Variants in LAMA2 observed in about 807,000 individuals in gnomAD.
LAMA2 encodes laminin subunit alpha-2.
LAMA2 carries 269 observed loss-of-function variants against 364.8 expected under a neutral mutation model. That is an observed-to-expected ratio of 0.74 (90% confidence interval 0.67 to 0.82). The LOEUF (loss-of-function observed/expected upper bound fraction) is 0.82. Ranked by LOEUF, LAMA2 falls within the 40% of genes least tolerant of loss-of-function variation. LAMA2 has a pLI of 0.00. For synonymous variants in LAMA2, 1,379 were observed against 1,370.6 expected (o/e 1.01, Z -0.14); for missense variants, 3,807 against 3,873.2 (o/e 0.98, Z 0.45).
chr6:129,395,425 C>G (rs1368291076), intron 37 of LAMA2, among the ~76,000 whole-genome samples: 1 of 152,026 alleles, frequency 6.6e-6, no homozygotes, highest in Non-Finnish European at 1.5e-5. Context: ...GTGATGAGCC[C>G]CCTTAGAGCA....
In LAMA2 at chr6:129,366,197, CTT is replaced by C. The variant is rs1234110402; in HGVS notation, c.4718-20_4718-19del. On this transcript the variant is annotated intron_variant, in intron 32 of 64. Transcript: ENST00000421865. ...GGGATGTTTAGCAGAAGTAACTACT[CTT>C]TGTCACTTCTCTTTCACAGTTTGTG... 1 of 1,612,642 alleles carries C rather than the reference CTT, an allele frequency of 6.2e-7. No individual in the cohort carries two copies. Among genetic ancestry groups the C allele is most frequent in the African/African-American group, 1.3e-5 (1 of 74,676 alleles).
intron 1 of LAMA2, among the ~76,000 whole-genome samples, chr6:129,032,683 G>T (rs977706639): frequency 6.6e-5 from 10 of 152,204 alleles, no homozygotes; most frequent in African/African-American, 2.4e-4. Flanking sequence ...GATAAGGGTA[G>T]TCAGCAGGCC....
In LAMA2 at chr6:128,925,278, G is replaced by A. The variant is rs191636998; in HGVS notation, c.112+41921G>A. 9.9e-5 allele frequency among the ~76,000 whole-genome samples: 15 copies of A among 152,266 alleles called. No homozygotes were observed. In the East Asian group the frequency reaches 1.3e-3, roughly 14 times the overall value. On this transcript the variant is annotated intron_variant, in intron 1 of 64. Coordinates refer to ENST00000421865, the MANE Select transcript of LAMA2 (RefSeq NM_000426.4). Reference sequence around the variant, plus strand: ...GGGAGAAACCTGGCTGTTGACAGACGAATAGATAAATAAAATGTTGTGCAT... The same window carrying A: ...GGGAGAAACCTGGCTGTTGACAGACAAATAGATAAATAAAATGTTGTGCAT...
At chr6:129,468,660 A>G (rs962808144) in intron 51 of LAMA2, among the ~76,000 whole-genome samples, 1 of 151,940 alleles carries the variant, frequency 6.6e-6, no homozygotes, top group Non-Finnish European at 1.5e-5. Flanking sequence ...CAAAGATCAC[A>G]CTTAAAGCAG....
chr6:129,202,138 A>T (rs1485039482), intron 12 of LAMA2, among the ~76,000 whole-genome samples: 1 of 144,416 alleles, frequency 6.9e-6, no homozygotes, highest in Non-Finnish European at 1.5e-5. Flanking sequence ...CAGTGAGCCG[A>T]GATCATACCA....
chr6:129,075,375 T>C (rs1773568346), intron 3 of LAMA2, among the ~76,000 whole-genome samples: 1 of 152,158 alleles, frequency 6.6e-6, no homozygotes, highest in South Asian at 2.1e-4. Flanking sequence ...TAGTCAGTCA[T>C]GATAAACAGT....
At position 129,383,167 on chromosome 6, in the gene LAMA2, G is replaced by A; in HGVS notation, c.5005G>A (p.Glu1669Lys). 3 of 1,613,956 alleles carry A rather than the reference G, an allele frequency of 1.9e-6. No homozygotes were observed. The highest frequency in any genetic ancestry group is 2.7e-5 in the African/African-American group (2 of 75,056). The part of the protein sequence containing the change: ...ADGEQTGQDA[E>K]RTNTRAKSLG... Reference sequence around the variant, plus strand: ...TGGCGAGCAGACCGGACAGGATGCTGAGAGGACCAACACAAGAGCAAAGTC... The same window carrying A: ...TGGCGAGCAGACCGGACAGGATGCTAAGAGGACCAACACAAGAGCAAAGTC... Residue 1669 changes from glutamate (E) to lysine (K), a missense_variant, in exon 35 of 65, where the codon GAG becomes AAG. Glu to Lys is a moderately conservative substitution (Grantham distance 56, BLOSUM62 1). Transcript: ENST00000421865.
At chr6:129,386,825 T>C (rs1779043458) in intron 35 of LAMA2, among the ~76,000 whole-genome samples, 2 of 152,188 alleles carry the variant, frequency 1.3e-5, no homozygotes. Flanking sequence ...TGAAAGATGC[T>C]CTCATTTAAT....
intron 3 of LAMA2, among the ~76,000 whole-genome samples, chr6:129,081,577 G>T (rs4327720): frequency 0.95 from 144,511 of 152,266 alleles, 68,643 homozygotes; most frequent in East Asian, 0.97. Flanking sequence ...AATTTCAATT[G>T]CAATAGGTTA....
At chr6:128,902,319 C>T (rs1777139733) in intron 1 of LAMA2, among the ~76,000 whole-genome samples, 1 of 152,128 alleles carries the variant, frequency 6.6e-6, no homozygotes, top group African/African-American at 2.4e-5. Flanking sequence ...TTAAATATTT[C>T]CAGTTGAAAG....
At chr6:129,372,189 C>G (rs1765330698) in intron 34 of LAMA2, among the ~76,000 whole-genome samples, 1 of 152,148 alleles carries the variant, frequency 6.6e-6, no homozygotes, top group South Asian at 2.1e-4. Context: ...AGGGTTCCCT[C>G]TTGGTATTGT....
Position 129,399,186 on chromosome 6 carries a change from G to A in LAMA2, c.5446-2038G>A, listed in dbSNP as rs1286822987. Among the ~76,000 whole-genome samples the A allele has an allele frequency of 2.0e-5, 3 of 152,226 alleles. No individual in the cohort carries two copies. In the South Asian group the frequency reaches 6.2e-4, roughly 32 times the overall value. ...TCTATATAAAAAAGAAAATAATATT[G>A]TCTATGTTTCTACCACTCTGTAGAA... On this transcript the variant is annotated intron_variant, in intron 37 of 64. Coordinates refer to ENST00000421865, the MANE Select transcript of LAMA2 (RefSeq NM_000426.4).
intron 14 of LAMA2, among the ~76,000 whole-genome samples, chr6:129,259,367 C>G (rs563924944): frequency 1.3e-5 from 2 of 152,116 alleles, no homozygotes; most frequent in East Asian, 3.9e-4. Context: ...ACCATCACTC[C>G]TGAGAAAGGA....
chr6:129,357,046 T>G (rs1777189021), intron 32 of LAMA2, among the ~76,000 whole-genome samples: 1 of 152,082 alleles, frequency 6.6e-6, no homozygotes, highest in Admixed American at 6.6e-5. Flanking sequence ...TTTCCCAAAT[T>G]AAGATTTCTT....
chr6:129,513,783 A>C (rs767751102), intron 63 of LAMA2, among the ~76,000 whole-genome samples: 1 of 152,114 alleles, frequency 6.6e-6, no homozygotes, highest in African/African-American at 2.4e-5. Flanking sequence ...CATTGTTAGG[A>C]ATTTAACTGG....
At chr6:129,305,670 A>G (rs987052638) in intron 22 of LAMA2, among the ~76,000 whole-genome samples, 6 of 152,084 alleles carry the variant, frequency 3.9e-5, no homozygotes, top group Non-Finnish European at 7.4e-5. Flanking sequence ...TGTAAATAAC[A>G]TATATTCAGA....
At chr6:129,015,098 G>C (rs9372913) in intron 1 of LAMA2, among the ~76,000 whole-genome samples, 1 of 151,882 alleles carries the variant, frequency 6.6e-6, no homozygotes, top group African/African-American at 2.4e-5. Context: ...ATCATTTATA[G>C]ATACAAGCAT....
chr6:129,399,770 A>G (rs1361593091), intron 37 of LAMA2, among the ~76,000 whole-genome samples: 2 of 152,216 alleles, frequency 1.3e-5, no homozygotes, highest in South Asian at 2.1e-4. Context: ...GTACCTGGCA[A>G]CATACTGAAT....
chr6:129,084,631 T>C (rs895234555), intron 3 of LAMA2, among the ~76,000 whole-genome samples: 12 of 152,286 alleles, frequency 7.9e-5, no homozygotes, highest in African/African-American at 2.9e-4. Flanking sequence ...GTCCCCTCCA[T>C]GCAAAATGTA....
Sources: allele counts gnomAD v4.1 joint callset (sites outside exome capture counted in the v4.1 genomes callset), GRCh38; gene constraint gnomAD v4.1.1; transcripts MANE v1.5; gene names NCBI Gene and HGNC (gene_info 2026-07-23, HGNC 2026-07-21).